Variants in KCNIP4 observed in about 807,000 individuals in gnomAD.
KCNIP4 encodes Kv channel-interacting protein 4.
Under a neutral mutation model 34.0 loss-of-function variants are expected in KCNIP4, and 12 were observed. The ratio of observed to expected loss-of-function variants is 0.35; its 90% confidence interval spans 0.23 to 0.57. The LOEUF is 0.57. Among genes scored for constraint, KCNIP4 ranks in the 20% least tolerant of loss-of-function variants. The pLI, the probability that KCNIP4 is intolerant of heterozygous loss-of-function variation, is 0.83. For missense variants in KCNIP4, 238 were observed against 311.7 expected, an observed-to-expected ratio of 0.76 and a Z score of 1.78; for synonymous variants, 124 against 102.2, an observed-to-expected ratio of 1.21 and a Z score of -1.29.
intron 1 of KCNIP4, among the ~76,000 whole-genome samples, chr4:21,528,720 A>G (rs6814028): frequency 0.016 from 57 of 3,622 alleles, 1 homozygote; most frequent in African/African-American, 0.024. Flanking sequence ...AGAAAGAAAG[A>G]AAGAAAGAAA....
At chr4:20,770,933 T>C (rs1755816442) in intron 3 of KCNIP4, among the ~76,000 whole-genome samples, 1 of 151,114 alleles carries the variant, frequency 6.6e-6, no homozygotes, top group Non-Finnish European at 1.5e-5. Flanking sequence ...AGACTCCATC[T>C]CAATAAATAA....
chr4:21,608,967 C>CAG (rs1743937248), intron 1 of KCNIP4: 5 of 152,164 alleles, frequency 3.3e-5, no homozygotes, highest in Non-Finnish European at 7.3e-5. Flanking sequence ...TTCCTCACAG[C>CAG]CAAAATGTTG....
At chr4:21,010,694 A>G (rs1361240773) in intron 1 of KCNIP4, among the ~76,000 whole-genome samples, 1 of 152,228 alleles carries the variant, frequency 6.6e-6, no homozygotes, top group East Asian at 1.9e-4. Context: ...GACCAATTAC[A>G]ATATAGACCT....
At chr4:21,879,565 TAA>T (rs1176440063) in intron 1 of KCNIP4, among the ~76,000 whole-genome samples, 1 of 152,188 alleles carries the variant, frequency 6.6e-6, no homozygotes, top group Non-Finnish European at 1.5e-5. Context: ...TTCCTGAATA[TAA>T]AGTCATGTCT....
intron 2 of KCNIP4, among the ~76,000 whole-genome samples, chr4:20,864,014 G>GTATGTATACATACACA: frequency 7.0e-6 from 1 of 142,652 alleles, no homozygotes; most frequent in East Asian, 2.0e-4. Context: ...ATGTAAATGT[G>GTATGTATACATACACA]TGTATGTATA....
chr4:21,248,283 T>C lies in KCNIP4; in HGVS notation c.62-365574A>G, dbSNP rs369548724. ...CATCAACAGTATAGACTTTAGGAGA[T>C]GGTCTAAAGCTCTTAGCTTGGTTGC... is the stretch of plus-strand genomic sequence containing the variant. On this transcript the variant is annotated intron_variant, in intron 1 of 8. Coordinates refer to ENST00000382152, the MANE Select transcript of KCNIP4 (RefSeq NM_025221.6). 1.9e-3 allele frequency among the ~76,000 whole-genome samples: 282 copies of C among 152,114 alleles called. 1 individual carries two copies. The South Asian group carries it at 0.021, about 11-fold the overall frequency.
chr4:21,570,562 T>C (rs1740285832), intron 1 of KCNIP4, among the ~76,000 whole-genome samples: 2 of 152,162 alleles, frequency 1.3e-5, no homozygotes, highest in Admixed American at 6.5e-5. Flanking sequence ...AGCCTAGAAC[T>C]GCATTCTGGA....
Position 20,731,408 on chromosome 4 carries a change from C to A in KCNIP4, c.705+598G>T, listed in dbSNP as rs1432434031. On this transcript the variant is annotated intron_variant, in intron 8 of 8. Transcript: ENST00000382152. Reference sequence around the variant, plus strand: ...TTTAACTGTGGTTCTGCCCACACATCAAGTCAAATAATTCTAAGTAAGCTA... The same window carrying A: ...TTTAACTGTGGTTCTGCCCACACATAAAGTCAAATAATTCTAAGTAAGCTA... The A allele has an allele frequency of 9.1e-6, 9 of 985,218 alleles. No individual in the cohort carries two copies. The South Asian group carries it at 3.8e-4, about 41-fold the overall frequency. The allele number at this position is 985,218 out of a possible 1,614,324, so 61.0% of individuals were successfully genotyped here. A position where few individuals can be genotyped will look rare whatever the true frequency, so the allele number is the denominator to read the frequency against.
chr4:21,535,274 C>T (rs1447659313), intron 1 of KCNIP4, among the ~76,000 whole-genome samples: 5 of 152,142 alleles, frequency 3.3e-5, no homozygotes, highest in Non-Finnish European at 2.9e-5. Context: ...ACACAGTGTT[C>T]TTCCAATGTA....
At chr4:21,840,543 C>T (rs1723614273) in intron 1 of KCNIP4, among the ~76,000 whole-genome samples, 1 of 152,124 alleles carries the variant, frequency 6.6e-6, no homozygotes, top group South Asian at 2.1e-4. Context: ...TTCTGACCAA[C>T]TTACATCCCT....
intron 1 of KCNIP4, among the ~76,000 whole-genome samples, chr4:21,539,361 A>G (rs1737484905): frequency 1.3e-5 from 2 of 152,138 alleles, no homozygotes; most frequent in African/African-American, 4.8e-5. Context: ...TCCTTTTGTA[A>G]GAGTGAGAAT....
intron 1 of KCNIP4, among the ~76,000 whole-genome samples, chr4:21,177,735 C>T (rs989765012): frequency 1.3e-5 from 2 of 151,690 alleles, no homozygotes; most frequent in Non-Finnish European, 1.5e-5. Context: ...GTGGTGGATG[C>T]TTCTCAGGAG....
At position 21,849,263 on chromosome 4, in the gene KCNIP4, CT is replaced by C. The variant is rs1724220448; in HGVS notation, c.61+99307del. The C allele has an allele frequency of 3.3e-5, 5 of 152,144 alleles. No homozygotes were observed. The South Asian group carries it at 1.0e-3, about 32-fold the overall frequency. 9.4% of individuals were successfully genotyped at this position (152,144 alleles called of 1,614,324 possible). ...GCTGTGCAAAAAGAATAGGAGAGTG[CT>C]TATGGCAATATCAATTATGCACATC... On this transcript the variant is annotated intron_variant, in intron 1 of 8. Coordinates refer to ENST00000382152, the MANE Select transcript of KCNIP4 (RefSeq NM_025221.6).
At chr4:20,906,774 T>C (rs573082670) in intron 1 of KCNIP4, among the ~76,000 whole-genome samples, 1 of 152,220 alleles carries the variant, frequency 6.6e-6, no homozygotes, top group African/African-American at 2.4e-5. Context: ...ATTCCAGCTT[T>C]AGACCCTTGC....
chr4:21,599,826 C>A (rs12504857), intron 1 of KCNIP4, among the ~76,000 whole-genome samples: 17,625 of 152,012 alleles, frequency 0.12, 1,108 homozygotes, highest in African/African-American at 0.14. Context: ...GTTTAAGAAG[C>A]CAGGATTTGG....
At chr4:21,598,123 A>T (rs1301490138) in intron 1 of KCNIP4, among the ~76,000 whole-genome samples, 1 of 152,040 alleles carries the variant, frequency 6.6e-6, no homozygotes, top group South Asian at 2.1e-4. Context: ...GAAAGGAGAG[A>T]ACACGGAAGA....
intron 1 of KCNIP4, among the ~76,000 whole-genome samples, chr4:21,250,208 T>G (rs1380213824): frequency 9.7e-6 from 1 of 102,736 alleles, no homozygotes; most frequent in Non-Finnish European, 2.0e-5. Flanking sequence ...GCAGAGATCT[T>G]AGGACTGTTA....
intron 1 of KCNIP4, among the ~76,000 whole-genome samples, chr4:21,211,341 T>C (rs1401027521): frequency 6.6e-6 from 1 of 152,168 alleles, no homozygotes; most frequent in African/African-American, 2.4e-5. Context: ...CCAGTGTGTG[T>C]CCTGTTAGGA....
chr4:21,106,143 A>G (rs1442226602), intron 1 of KCNIP4, among the ~76,000 whole-genome samples: 4 of 151,386 alleles, frequency 2.6e-5, no homozygotes, highest in Admixed American at 1.3e-4. Context: ...CTCTTTTTCT[A>G]TTGATTGGAA....
Sources: allele counts gnomAD v4.1 joint callset (sites outside exome capture counted in the v4.1 genomes callset), GRCh38; gene constraint gnomAD v4.1.1; transcripts MANE v1.5; gene names NCBI Gene and HGNC (gene_info 2026-07-23, HGNC 2026-07-21).